The following ADARB2 variants were observed in gnomAD, a reference collection of about 807,000 sequenced individuals.
ADARB2 encodes the protein adenosine deaminase RNA specific B2 (inactive), also known as inactive double-stranded RNA-specific editase B2.
In ADARB2, 25 loss-of-function variants were observed where a neutral mutation model predicts 62.2. The ratio of observed to expected loss-of-function variants is 0.40; its 90% CI spans 0.29 to 0.56. The LOEUF (loss-of-function observed/expected upper bound fraction) is 0.56. Among genes scored for constraint, ADARB2 ranks in the 20% least tolerant of loss-of-function variants. The pLI is 0.43. For missense variants in ADARB2, 1,071 were observed against 1,077.4 expected (o/e 0.99, Z 0.08); for synonymous variants, 572 against 500.8 (o/e 1.14, Z -1.90).
At chr10:1,575,766 G>A (rs576475327) in intron 1 of ADARB2, among the ~76,000 whole-genome samples, 18 of 152,190 alleles carry the variant, frequency 1.2e-4, no homozygotes, top group Non-Finnish European at 2.6e-4. Flanking sequence ...CACAGAGACC[G>A]AGAGAGCCTG....
chr10:1,729,803 G>GT (rs200064459), intron 1 of ADARB2, among the ~76,000 whole-genome samples: 1 of 152,288 alleles, frequency 6.6e-6, no homozygotes, highest in East Asian at 1.9e-4. Flanking sequence ...GGAGGCTCCA[G>GT]TTTCTGAGAA....
At chr10:1,186,908 C>A (rs1303358947) in intron 8 of ADARB2, among the ~76,000 whole-genome samples, 1 of 152,222 alleles carries the variant, frequency 6.6e-6, no homozygotes, top group East Asian at 1.9e-4. Flanking sequence ...GCTCATAACA[C>A]CTTCCTGGAA....
chr10:1,646,176 C>G (rs1469241427), intron 1 of ADARB2, among the ~76,000 whole-genome samples: 2 of 152,186 alleles, frequency 1.3e-5, no homozygotes, highest in African/African-American at 4.8e-5. Context: ...AGGACACACC[C>G]AGGTCTATCC....
chr10:1,519,322 G>A (rs1588285618), intron 1 of ADARB2, among the ~76,000 whole-genome samples: 1 of 152,292 alleles, frequency 6.6e-6, no homozygotes, highest in East Asian at 1.9e-4. Flanking sequence ...TCATATGCAT[G>A]TATTCCGTGT....
intron 1 of ADARB2, among the ~76,000 whole-genome samples, chr10:1,419,275 T>A (rs548977539): frequency 2.6e-5 from 4 of 152,272 alleles, no homozygotes; most frequent in South Asian, 4.1e-4. Context: ...TGTATTTTTT[T>A]AGTAGAGATG....
chr10:1,365,975 A>G (rs1299773061), intron 2 of ADARB2, among the ~76,000 whole-genome samples: 2 of 152,244 alleles, frequency 1.3e-5, no homozygotes, highest in Non-Finnish European at 2.9e-5. Context: ...ATGAATCTCA[A>G]GAAATAGGAT....
rs772607506 is a variant in ADARB2, at chr10:1,578,169, G to A, written c.100+158882C>T. Among the ~76,000 whole-genome samples the A allele has an allele frequency of 2.6e-5, 4 of 152,298 alleles. No homozygotes were observed. In the South Asian group the frequency reaches 6.2e-4, roughly 24 times the overall value. ...CCCCATAGGATGGAAATTTGAACGAGGTGAACTTAAGGGGTTCCCAGCACT... is the reference window on the plus strand; with the variant it reads ...CCCCATAGGATGGAAATTTGAACGAAGTGAACTTAAGGGGTTCCCAGCACT... On this transcript the variant is annotated intron_variant, in intron 1 of 9. Transcript: ENST00000381312.
At chr10:1,530,136 G>T (rs1387379493) in intron 1 of ADARB2, among the ~76,000 whole-genome samples, 2 of 152,186 alleles carry the variant, frequency 1.3e-5, no homozygotes, top group African/African-American at 4.8e-5. Flanking sequence ...CTGCCACCTT[G>T]GGCACCCGTC....
intron 1 of ADARB2, among the ~76,000 whole-genome samples, chr10:1,568,742 C>T (rs1027788507): frequency 3.3e-5 from 5 of 152,100 alleles, no homozygotes; most frequent in African/African-American, 1.2e-4. Flanking sequence ...GGGCCCAACT[C>T]CTGAAATGCT....
intron 1 of ADARB2, among the ~76,000 whole-genome samples, chr10:1,410,464 G>A (rs1166896753): frequency 3.9e-5 from 6 of 152,212 alleles, no homozygotes; most frequent in Non-Finnish European, 7.4e-5. Flanking sequence ...TTTCCTGAGA[G>A]CAAAATAACA....
chr10:1,687,027 G>T (rs1834605532), intron 1 of ADARB2, among the ~76,000 whole-genome samples: 1 of 133,820 alleles, frequency 7.5e-6, no homozygotes, highest in Non-Finnish European at 1.6e-5. Flanking sequence ...TCATGACATT[G>T]CCTTTTTTTT....
intron 8 of ADARB2, among the ~76,000 whole-genome samples, chr10:1,192,387 C>T (rs1266443391): frequency 1.3e-5 from 2 of 152,176 alleles, no homozygotes; most frequent in Non-Finnish European, 2.9e-5. Flanking sequence ...CTCTCTCTCA[C>T]GCACACCCAC....
At chr10:1,619,975 G>C (rs1405903332) in intron 1 of ADARB2, among the ~76,000 whole-genome samples, 1 of 151,702 alleles carries the variant, frequency 6.6e-6, no homozygotes, top group African/African-American at 2.4e-5. Context: ...GGAAAAACAA[G>C]AAAAATAAGA....
chr10:1,651,711 G>C (rs1056392527), intron 1 of ADARB2, among the ~76,000 whole-genome samples: 1 of 152,190 alleles, frequency 6.6e-6, no homozygotes, highest in Non-Finnish European at 1.5e-5. Context: ...ACAGCGAAGC[G>C]GGGCCTTACT....
intron 3 of ADARB2, among the ~76,000 whole-genome samples, chr10:1,296,846 T>C (rs1448973923): frequency 6.6e-6 from 1 of 152,168 alleles, no homozygotes; most frequent in Non-Finnish European, 1.5e-5. Context: ...TTCTCCTTCC[T>C]TACTGCCAGA....
chr10:1,377,815 C>G (rs1310027439), intron 2 of ADARB2, among the ~76,000 whole-genome samples: 2 of 152,164 alleles, frequency 1.3e-5, no homozygotes, highest in Non-Finnish European at 2.9e-5. Flanking sequence ...GACCTTCGCT[C>G]TGGTCCTGAC....
chr10:1,507,091 G>A (rs1005482275), intron 1 of ADARB2, among the ~76,000 whole-genome samples: 4 of 152,226 alleles, frequency 2.6e-5, no homozygotes, highest in African/African-American at 7.2e-5. Context: ...TGCCCAAGAC[G>A]GTGGCCGAGA....
chr10:1,452,790 A>G (rs1189059333), intron 1 of ADARB2, among the ~76,000 whole-genome samples: 1 of 142,590 alleles, frequency 7.0e-6, no homozygotes, highest in East Asian at 2.0e-4. Context: ...CCCAGAACTT[A>G]AAGTATAATA....
At chr10:1,293,162 A>AGGGGAG (rs1831488182) in intron 3 of ADARB2, among the ~76,000 whole-genome samples, 1 of 44,444 alleles carries the variant, frequency 2.3e-5, no homozygotes, top group Non-Finnish European at 4.8e-5. Flanking sequence ...AGGGAGGGTA[A>AGGGGAG]GAAGGGGGGA....
Sources: allele counts gnomAD v4.1 joint callset (sites outside exome capture counted in the v4.1 genomes callset), GRCh38; gene constraint gnomAD v4.1.1; transcripts MANE v1.5; gene names NCBI Gene and HGNC (gene_info 2026-07-23, HGNC 2026-07-21).